FAM13A: variants seen among roughly 807,000 people sequenced by gnomAD.
The protein encoded by FAM13A is family with sequence similarity 13 member A.
A neutral mutation model predicts 129.6 loss-of-function variants in FAM13A; 76 were observed. That is an observed-to-expected ratio of 0.59 (90% CI 0.49 to 0.71). The LOEUF (loss-of-function observed/expected upper bound fraction) is 0.71, where lower values mean the gene tolerates loss of function less well. Among genes scored for constraint, FAM13A ranks in the 30% least tolerant of loss-of-function variants. The probability of loss-of-function intolerance (pLI) is 0.00; values close to 1 mark genes in which losing one functional copy is unlikely to be tolerated. For synonymous variants in FAM13A, 443 were observed against 449.9 expected, an observed-to-expected ratio of 0.98 and a Z score of 0.20; for missense variants, 1,108 against 1,249.3, an observed-to-expected ratio of 0.89 and a Z score of 1.70.
rs181438668 is a variant in FAM13A, at chr4:88,914,435, C to T, written c.760-7973G>A. Among the ~76,000 whole-genome samples the T allele has an allele frequency of 1.8e-3, 279 of 152,292 alleles. 1 individual carries two copies. The highest frequency in any genetic ancestry group is 6.3e-3 in the African/African-American group (261 of 41,568). On this transcript the variant is annotated intron_variant, in intron 5 of 23. Transcript: ENST00000264344. ...TAGCATTTCCCCTCTCCTCGTTATG[C>T]CCCAGCCACCATGGCCTTCTTTTCT...
intron 3 of FAM13A, among the ~76,000 whole-genome samples, chr4:88,997,265 GGTTC>G (rs1429327898): frequency 2.0e-5 from 3 of 152,150 alleles, no homozygotes; most frequent in Admixed American, 6.5e-5. Context: ...TGGAAATAAT[GGTTC>G]ACAATTAAAA....
At chr4:89,035,452 G>GGAAA (rs559203097) in intron 1 of FAM13A, among the ~76,000 whole-genome samples, 8 of 147,848 alleles carry the variant, frequency 5.4e-5, no homozygotes, top group South Asian at 4.3e-4. Context: ...ACAACAAAAA[G>GGAAA]GAAAGAAAGA....
rs1395753008 is a variant in FAM13A, at chr4:88,929,650, C to T, written c.759+8438G>A. ...AGACCTGTCTTCAAGTTCTGAGATT[C>T]TTTCTCCTACTTGGTCAAGTCTATT... On this transcript the variant is annotated intron_variant, in intron 5 of 23. Transcript: ENST00000264344. Among the ~76,000 whole-genome samples the T allele has an allele frequency of 2.0e-5, 3 of 151,852 alleles. No individual in the cohort carries two copies. In the East Asian group the frequency reaches 5.8e-4, roughly 29 times the overall value.
At chr4:89,015,516 CAT>C (rs1482997509) in intron 3 of FAM13A, among the ~76,000 whole-genome samples, 6 of 152,174 alleles carry the variant, frequency 3.9e-5, no homozygotes, top group African/African-American at 1.4e-4. Context: ...GAAAAGGACT[CAT>C]GTTGAATTAT....
At chr4:88,921,202 G>A (rs1470298727) in intron 5 of FAM13A, among the ~76,000 whole-genome samples, 4 of 151,604 alleles carry the variant, frequency 2.6e-5, no homozygotes, top group East Asian at 1.9e-4. Flanking sequence ...TACAGAGAAC[G>A]CCACAAAGAT....
chr4:88,855,911 T>C (rs1376102753), intron 6 of FAM13A: 1 of 152,170 alleles, frequency 6.6e-6, no homozygotes, highest in Non-Finnish European at 1.5e-5. Flanking sequence ...CCATGCTAAG[T>C]GGACATGAAG....
At chr4:88,835,822 A>G (rs1341536497) in intron 7 of FAM13A, among the ~76,000 whole-genome samples, 2 of 152,078 alleles carry the variant, frequency 1.3e-5, no homozygotes, top group Admixed American at 6.6e-5. Flanking sequence ...GTAAATAAAG[A>G]TGAGGCTTCA....
At chr4:88,813,470 C>T (rs755642021) in intron 7 of FAM13A, among the ~76,000 whole-genome samples, 46 of 152,068 alleles carry the variant, frequency 3.0e-4, no homozygotes, top group Non-Finnish European at 5.9e-4. Flanking sequence ...ATTTTCAAAT[C>T]TTTAGTCACT....
At chr4:88,793,718 A>C (rs1725629066) in intron 8 of FAM13A, among the ~76,000 whole-genome samples, 1 of 152,030 alleles carries the variant, frequency 6.6e-6, no homozygotes. Context: ...GAAACCTCAA[A>C]AAATTGTTCT....
chr4:88,888,914 C>T (rs190174613), intron 6 of FAM13A, among the ~76,000 whole-genome samples: 12 of 139,392 alleles, frequency 8.6e-5, no homozygotes, highest in East Asian at 4.2e-4. Context: ...CCAGCCTGGG[C>T]GACAGAGCGA....
At chr4:88,870,360 G>A (rs1344169556) in intron 6 of FAM13A, among the ~76,000 whole-genome samples, 2 of 152,202 alleles carry the variant, frequency 1.3e-5, no homozygotes, top group Non-Finnish European at 2.9e-5. Flanking sequence ...CAAGGGGTCA[G>A]GGGATTTCCC....
chr4:88,799,474 A>G (rs1726963523), intron 8 of FAM13A, among the ~76,000 whole-genome samples: 1 of 137,830 alleles, frequency 7.3e-6, no homozygotes, highest in Non-Finnish European at 1.5e-5. Context: ...TGCTCCAACA[A>G]TTCCACTTTT....
chr4:89,028,822 C>T (rs1199373609), intron 2 of FAM13A, among the ~76,000 whole-genome samples: 1 of 150,950 alleles, frequency 6.6e-6, no homozygotes, highest in Non-Finnish European at 1.5e-5. Flanking sequence ...TCAACTTATC[C>T]AGATTTGTGA....
intron 4 of FAM13A, among the ~76,000 whole-genome samples, chr4:88,972,123 T>G (rs1207904822): frequency 6.6e-6 from 1 of 152,118 alleles, no homozygotes. Context: ...AAAATATTTT[T>G]TTTTACCCTA....
At chr4:88,977,275 A>G (rs1188599013) in intron 4 of FAM13A, among the ~76,000 whole-genome samples, 2 of 152,166 alleles carry the variant, frequency 1.3e-5, no homozygotes, top group African/African-American at 4.8e-5. Context: ...TCTAATAACC[A>G]AGATGCCTAC....
chr4:88,812,129 C>CAAG (rs1729764975), intron 7 of FAM13A, among the ~76,000 whole-genome samples: 1 of 152,138 alleles, frequency 6.6e-6, no homozygotes, highest in Non-Finnish European at 1.5e-5. Context: ...GCTTGGACTT[C>CAAG]CCAGCCTCCA....
At position 88,897,728 on chromosome 4, in the gene FAM13A, C is replaced by T. The variant is rs143052718; in HGVS notation, c.843+8651G>A. 1.9e-3 allele frequency among the ~76,000 whole-genome samples: 287 copies of T among 152,286 alleles called. 1 individual carries two copies. Among genetic ancestry groups the T allele is most frequent in the African/African-American group, 6.7e-3 (280 of 41,582 alleles). ...TCACTAAGTCACCCTAGAAAGGACA[C>T]ACTAACCATATTTTGAAGGTGTTCT... On this transcript the variant is annotated intron_variant, in intron 6 of 23. Transcript: ENST00000264344.
At chr4:88,894,466 G>GTA (rs201727783) in intron 6 of FAM13A, among the ~76,000 whole-genome samples, 1,912 of 152,200 alleles carry the variant, frequency 0.013, 59 homozygotes, top group Admixed American at 0.064. Flanking sequence ...TTATGTATAA[G>GTA]TATATATATA....
At chr4:88,853,223 T>C (rs928131870) in intron 6 of FAM13A, among the ~76,000 whole-genome samples, 7 of 152,202 alleles carry the variant, frequency 4.6e-5, no homozygotes, top group African/African-American at 1.4e-4. Flanking sequence ...GACTTTTTTA[T>C]TGACAAAAAT....
Sources: gnomAD v4.1 joint callset for allele counts (sites outside exome capture counted in the v4.1 genomes callset) on GRCh38, gnomAD v4.1.1 for gene constraint, MANE v1.5 for transcripts, NCBI Gene and HGNC (gene_info 2026-07-23, HGNC 2026-07-21) for gene names.